The following PDZD7 variants were observed in gnomAD, a reference collection of about 807,000 sequenced individuals.
PDZD7 encodes PDZ domain containing 7, also known as PDZ domain-containing protein 7.
PDZD7 carries 72 observed loss-of-function variants against 84.7 expected under a neutral mutation model. That is an observed-to-expected ratio of 0.85 (90% confidence interval 0.70 to 1.03). PDZD7 has a LOEUF of 1.03. Ranked by LOEUF, PDZD7 falls within the 50% of genes least tolerant of loss-of-function variation. The pLI is 0.00. For missense variants in PDZD7, 1,490 were observed against 1,412.9 expected, an observed-to-expected ratio of 1.05 and a Z score of -0.87; for synonymous variants, 594 against 580.7, an observed-to-expected ratio of 1.02 and a Z score of -0.33.
chr10:101,019,243 T>C (rs1280147692), intron 7 of PDZD7, 26 bp from the exon 8 acceptor site: 1 of 1,534,922 alleles, frequency 6.5e-7, no homozygotes, highest in Non-Finnish European at 8.7e-7. Flanking sequence ...AAGCCAGGGA[T>C]CAGCGGGCTT....
chr10:101,010,259 CACGTGG>C lies in PDZD7; in HGVS notation c.2617+7_2617+12del. 6.6e-7 allele frequency: 1 copy of C among 1,511,334 alleles called. No individual in the cohort carries two copies. Among genetic ancestry groups the C allele is most frequent in the Non-Finnish European group, 8.9e-7 (1 of 1,126,824 alleles). 93.6% of individuals were successfully genotyped at this position (1,511,334 alleles called of 1,614,324 possible). A position where few individuals can be genotyped will look rare whatever the true frequency, so the allele number is the denominator to read the frequency against. On this transcript the variant is annotated splice_region_variant and intron_variant, in intron 15 of 16. Transcript: ENST00000619208. ...TAGTGTCCTCTGCCGGGCCCAGTCC[CACGTGG>C]ACTCACCTAAGGACTGCTTCATCTT...
chr10:101,024,868 A>T (rs1767093253), intron 2 of PDZD7, among the ~76,000 whole-genome samples: 1 of 148,508 alleles, frequency 6.7e-6, no homozygotes. Context: ...TGTGTGTATC[A>T]GTGCTTTCTG....
chr10:101,008,841 C>T lies in PDZD7; in HGVS notation c.2728G>A (p.Glu910Lys), dbSNP rs1220955623. ...TTCTCTCCGTCCACTGCCACAAGCT[C>T]GAAGCCAGCCTAGGGTGGGGTGAGA... ...FLSGALQAGF[E>K]LVAVDGENLE... The change falls in exon 17 of 17, where the codon GAG becomes AAG. Residue 910 changes from glutamate (E) to lysine (K), a missense_variant. Coordinates refer to ENST00000619208, the MANE Select transcript of PDZD7 (RefSeq NM_001195263.2). The T allele has an allele frequency of 1.3e-5, 19 of 1,497,636 alleles. No homozygotes were observed. Among genetic ancestry groups the T allele is most frequent in the Non-Finnish European group, 1.6e-5 (18 of 1,123,718 alleles). The allele number at this position is 1,497,636 out of a possible 1,614,324, so 92.8% of individuals were successfully genotyped here.
chr10:101,015,815 C>T lies in PDZD7; in HGVS notation c.1574-4G>A. 1 of 1,546,620 alleles carries T rather than the reference C, an allele frequency of 6.5e-7. No homozygotes were observed. Among genetic ancestry groups the T allele is most frequent in the Non-Finnish European group, 8.7e-7 (1 of 1,145,150 alleles). ...AGGGCCCGGCCCCTCTCCTGGTCTG[C>T]AGGGCAGGAACCATCAGGGGAGGGG... is the stretch of plus-strand genomic sequence containing the variant. On this transcript the variant is annotated splice_polypyrimidine_tract_variant and splice_region_variant and intron_variant, in intron 10 of 16. Coordinates refer to ENST00000619208, the MANE Select transcript of PDZD7 (RefSeq NM_001195263.2).
chr10:101,019,078 G>T lies in PDZD7; in HGVS notation c.1068C>A (p.Pro356=). The T allele has an allele frequency of 6.4e-7, 1 of 1,569,596 alleles. No individual in the cohort carries two copies. The highest frequency in any genetic ancestry group is 2.3e-5 in the East Asian group (1 of 43,256). ...GCCCCCAGCCTGGGCCGCGGCTGCC[G>T]GGCTCCTCCTGCCCGAGGCAGATGT... ...RMDICLGQEE[P]GSRGPGWGRA... The change falls in exon 8 of 17, where the codon CCC becomes CCA. Residue 356 remains proline (P), a synonymous_variant. Coordinates refer to ENST00000619208, the MANE Select transcript of PDZD7 (RefSeq NM_001195263.2).
At chr10:101,025,634 A>G (rs200589927) in intron 2 of PDZD7, among the ~76,000 whole-genome samples, 9 of 136,582 alleles carry the variant, frequency 6.6e-5, no homozygotes, top group Admixed American at 1.5e-4. Flanking sequence ...TGCAAGCTCC[A>G]CCTCCCAGGT....
At position 101,017,892 on chromosome 10, in the gene PDZD7, A is replaced by AAAAGAAAG. The variant is rs780560274; in HGVS notation, c.1522+199_1522+206dup. 3.5e-5 allele frequency: 5 copies of AAAAGAAAG among 142,462 alleles called. 1 individual carries two copies. The highest frequency in any genetic ancestry group is 9.6e-5 in the African/African-American group (2 of 20,790). 8.8% of individuals were successfully genotyped at this position (142,462 alleles called of 1,614,324 possible). ...GAAAGAAAGAAAGAAAGAAAGAAAGAAAAGAAAGAAAGAAAGAAAGAAAAG... is the reference window on the plus strand; with the variant it reads ...GAAAGAAAGAAAGAAAGAAAGAAAGAAAAGAAAGAAAGAAAGAAAGAAAGAAAGAAAAG... On this transcript the variant is annotated intron_variant, in intron 9 of 16. Transcript: ENST00000619208.
At position 101,030,053 on chromosome 10, in the gene PDZD7, C is replaced by T. The variant is rs997674484; in HGVS notation, c.167G>A (p.Arg56His). The change falls in exon 2 of 17, where the codon CGC (arginine) becomes CAC (histidine). Residue 56 changes from arginine to histidine, a missense_variant. Coordinates refer to ENST00000619208, the MANE Select transcript of PDZD7 (RefSeq NM_001195263.2). ...CATGGGCGATGAGGCTCGGATTCCG[C>T]GGGGGGGCCCGTTCAGCAGCCGTTG... ...KQQRLLNGPP[R>H]GIRASSPMGR... 1 of 1,613,796 alleles carries T rather than the reference C, an allele frequency of 6.2e-7. No homozygotes were observed. Among genetic ancestry groups the T allele is most frequent in the Non-Finnish European group, 8.5e-7 (1 of 1,179,994 alleles).
At chr10:101,012,319 G>A in intron 11 of PDZD7, 61 bp from the exon 12 acceptor site, 2 of 1,350,504 alleles carry the variant, frequency 1.5e-6, no homozygotes, top group Non-Finnish European at 2.1e-6. Context: ...GAGTGAGGGG[G>A]ACACCAGGGC....
intron 10 of PDZD7, 123 bp from the exon 11 acceptor site, chr10:101,015,934 C>G (rs1347694424): frequency 6.3e-6 from 7 of 1,108,854 alleles, no homozygotes; most frequent in Non-Finnish European, 8.8e-6. Context: ...TATATGCTCC[C>G]CACCATGGTA....
intron 11 of PDZD7, among the ~76,000 whole-genome samples, chr10:101,014,000 C>T (rs565079558): frequency 6.8e-6 from 1 of 147,142 alleles, no homozygotes; most frequent in African/African-American, 2.5e-5. Flanking sequence ...CAGGCGCCCA[C>T]CACCATGCCC....
chr10:101,017,984 G>C, intron 9 of PDZD7, 115 bp downstream of exon 9: 1 of 1,218,868 alleles, frequency 8.2e-7, no homozygotes, highest in Non-Finnish European at 1.2e-6. Flanking sequence ...GGCTCTCAGG[G>C]GTTGAGTAGG....
At chr10:101,008,928 T>A (rs1375907819) in intron 16 of PDZD7, 78 bp from the exon 17 acceptor site, 1 of 1,427,712 alleles carries the variant, frequency 7.0e-7, no homozygotes, top group Non-Finnish European at 9.2e-7. Context: ...GGCAGCATCT[T>A]CTCACCTCCA....
At position 101,008,642 on chromosome 10, in the gene PDZD7, G is replaced by T. The variant is rs750833708; in HGVS notation, c.2927C>A (p.Ala976Asp). 6.5e-7 allele frequency: 1 copy of T among 1,536,142 alleles called. No homozygotes were observed. The highest frequency in any genetic ancestry group is 1.2e-5 in the South Asian group (1 of 84,062). The change falls in exon 17 of 17, where the codon GCC (alanine) becomes GAC (aspartate). Residue 976 changes from alanine (A) to aspartate (D), a missense_variant. By Grantham distance (126) the Ala-to-Asp change is moderately radical. Coordinates refer to ENST00000619208, the MANE Select transcript of PDZD7 (RefSeq NM_001195263.2). ...TGGAGCAGCATCAAGGGGTTGGTGGGCAGGCAAGTGGTCAGCAGGAAGGCC... is the reference window on the plus strand; with the variant it reads ...TGGAGCAGCATCAAGGGGTTGGTGGTCAGGCAAGTGGTCAGCAGGAAGGCC... The part of the protein sequence containing the change: ...DGGLPADHLP[A>D]HQPLDAAPVP...
chr10:101,028,875 A>C (rs1937880542), intron 2 of PDZD7, among the ~76,000 whole-genome samples: 1 of 152,174 alleles, frequency 6.6e-6, no homozygotes, highest in African/African-American at 2.4e-5. Context: ...AGACTGGTGT[A>C]TGACAGGGGT....
intron 2 of PDZD7, among the ~76,000 whole-genome samples, chr10:101,025,560 T>C (rs1021796632): frequency 6.8e-6 from 1 of 147,370 alleles, no homozygotes. Context: ...ATTTATTTAT[T>C]TATCTGAGAC....
At chr10:101,024,147 T>C in intron 2 of PDZD7, 79 bp from the exon 3 acceptor site, 1 of 1,603,132 alleles carries the variant, frequency 6.2e-7, no homozygotes, top group African/African-American at 1.3e-5. Context: ...ACTTGGGGCC[T>C]GCAAAGGCTA....
Position 101,018,166 on chromosome 10 carries a change from G to GCGC in PDZD7, c.1452_1454dup (p.Arg486dup), listed in dbSNP as rs770637109. ...CGCTGTCCAGTGTCCAGGCCTCTCT[G>GCGC]CGCCCGTCCCGCGCTAGCCTCCCCT... On this transcript the variant is annotated inframe_insertion, in exon 9 of 17. Transcript: ENST00000619208. The GCGC allele has an allele frequency of 1.9e-5, 31 of 1,614,234 alleles. No homozygotes were observed. The African/African-American group carries it at 3.9e-4, about 20-fold the overall frequency.
At chr10:101,011,881 C>A in intron 13 of PDZD7, 44 bp downstream of exon 13, 1 of 1,549,472 alleles carries the variant, frequency 6.5e-7, no homozygotes, top group Admixed American at 2.0e-5. Context: ...ATCCCCACCC[C>A]CAGCAGGGCT....
Sources: gnomAD v4.1 joint callset for allele counts (sites outside exome capture counted in the v4.1 genomes callset) on GRCh38, gnomAD v4.1.1 for gene constraint, MANE v1.5 for transcripts, NCBI Gene and HGNC (gene_info 2026-07-23, HGNC 2026-07-21) for gene names.